Variants in SPAG16 observed in about 807,000 individuals in gnomAD.
SPAG16 encodes the protein sperm-associated antigen 16 protein.
SPAG16 carries 86 observed loss-of-function variants against 80.4 expected under a neutral mutation model. The observed-to-expected ratio is 1.07, with a 90% CI of 0.90 to 1.28. SPAG16 has a LOEUF of 1.28. Among genes scored for constraint, SPAG16 ranks in the 50% most tolerant of loss-of-function variants. The pLI is 0.00. For missense variants in SPAG16, 870 were observed against 765.3 expected, an observed-to-expected ratio of 1.14 and a Z score of -1.61; for synonymous variants, 294 against 265.9, an observed-to-expected ratio of 1.11 and a Z score of -1.03.
intron 15 of SPAG16, among the ~76,000 whole-genome samples, chr2:214,372,399 T>C (rs1699880090): frequency 6.6e-6 from 1 of 152,212 alleles, no homozygotes; most frequent in Non-Finnish European, 1.5e-5. Context: ...GATCAGACTT[T>C]CTTTCCTAAA....
chr2:213,622,991 T>G (rs2061839438), intron 10 of SPAG16, among the ~76,000 whole-genome samples: 1 of 152,206 alleles, frequency 6.6e-6, no homozygotes, highest in Admixed American at 6.5e-5. Context: ...CTTCCATTTG[T>G]TCTTCACAAA....
At chr2:214,175,267 GTA>G (rs1198058002) in intron 15 of SPAG16, among the ~76,000 whole-genome samples, 1 of 141,464 alleles carries the variant, frequency 7.1e-6, no homozygotes, top group Admixed American at 7.2e-5. Flanking sequence ...ATAAAGAAAT[GTA>G]TATATATAAA....
At chr2:213,443,845 G>A (rs904857283) in intron 9 of SPAG16, among the ~76,000 whole-genome samples, 1 of 152,102 alleles carries the variant, frequency 6.6e-6, no homozygotes, top group Admixed American at 6.6e-5. Context: ...TTGCAGACCT[G>A]GATTTACCAC....
chr2:214,117,325 A>G (rs1360740773), intron 14 of SPAG16, among the ~76,000 whole-genome samples: 1 of 152,152 alleles, frequency 6.6e-6, no homozygotes, highest in African/African-American at 2.4e-5. Flanking sequence ...GAAAAAGAGA[A>G]AAGAATAAAA....
At position 213,460,174 on chromosome 2, in the gene SPAG16, A is replaced by AT. The variant is rs1312885807; in HGVS notation, c.943-29781dup. 6.6e-5 allele frequency among the ~76,000 whole-genome samples: 10 copies of AT among 151,706 alleles called. 1 individual carries two copies. The highest frequency in any genetic ancestry group is 6.3e-4 in the South Asian group (3 of 4,794). On this transcript the variant is annotated intron_variant, in intron 9 of 15. Transcript: ENST00000331683. Reference sequence around the variant, plus strand: ...TTTATTTATTTTCACTTGCATTTACATTTTTTTTCTTCCATACTCTGTCTG... The same window carrying AT: ...TTTATTTATTTTCACTTGCATTTACATTTTTTTTTCTTCCATACTCTGTCTG...
At chr2:213,380,487 G>A (rs1048402005) in intron 9 of SPAG16, among the ~76,000 whole-genome samples, 3 of 152,094 alleles carry the variant, frequency 2.0e-5, no homozygotes, top group South Asian at 2.1e-4. Flanking sequence ...TTGTGCCTTC[G>A]GGACCTGCTT....
intron 15 of SPAG16, among the ~76,000 whole-genome samples, chr2:214,325,011 A>C (rs542073822): frequency 2.6e-5 from 4 of 152,290 alleles, no homozygotes; most frequent in Admixed American, 2.6e-4. Flanking sequence ...ATAGTAGAAA[A>C]CCCATAATAT....
At chr2:213,836,306 T>C (rs1194011670) in intron 10 of SPAG16, among the ~76,000 whole-genome samples, 1 of 152,074 alleles carries the variant, frequency 6.6e-6, no homozygotes, top group Non-Finnish European at 1.5e-5. Context: ...AAAGGAAAAG[T>C]AAATTTTACA....
chr2:213,720,997 C>A (rs929947614), intron 10 of SPAG16, among the ~76,000 whole-genome samples: 4 of 152,206 alleles, frequency 2.6e-5, no homozygotes. Flanking sequence ...CGTGATCCGC[C>A]CACCTCAGCC....
intron 10 of SPAG16, among the ~76,000 whole-genome samples, chr2:213,845,920 A>G (rs1329435399): frequency 2.0e-5 from 3 of 152,182 alleles, no homozygotes; most frequent in African/African-American, 7.2e-5. Context: ...GGACAGGTAG[A>G]TATCTTCTCA....
chr2:214,204,115 G>T (rs1240754139), intron 15 of SPAG16, among the ~76,000 whole-genome samples: 1 of 152,238 alleles, frequency 6.6e-6, no homozygotes, highest in Middle Eastern at 3.4e-3. Flanking sequence ...ATCCCTCTGG[G>T]AACATGACTG....
intron 10 of SPAG16, among the ~76,000 whole-genome samples, chr2:213,556,067 A>T (rs2059414181): frequency 6.6e-6 from 1 of 152,018 alleles, no homozygotes; most frequent in South Asian, 2.1e-4. Flanking sequence ...AAAATGCAAA[A>T]CCTATAGTAG....
In SPAG16 at chr2:214,136,908, A is replaced by G. The variant is rs940949003; in HGVS notation, c.1594-12232A>G. On this transcript the variant is annotated intron_variant, in intron 14 of 15. Coordinates refer to ENST00000331683, the MANE Select transcript of SPAG16 (RefSeq NM_024532.5). Reference sequence around the variant, plus strand: ...TAGTTATACCTTAATACCAAGTTGCAGGTCATTACCTTCACATATTGAAGG... The same window carrying G: ...TAGTTATACCTTAATACCAAGTTGCGGGTCATTACCTTCACATATTGAAGG... Among the ~76,000 whole-genome samples the G allele has an allele frequency of 3.3e-5, 5 of 152,298 alleles. No homozygotes were observed. The South Asian group carries it at 8.3e-4, about 25-fold the overall frequency.
intron 8 of SPAG16, among the ~76,000 whole-genome samples, chr2:213,366,141 C>CA (rs759352187): frequency 0.033 from 2,740 of 82,022 alleles, 50 homozygotes; most frequent in South Asian, 0.059. Flanking sequence ...GACTCCGTCT[C>CA]AAAAAAAAAA....
At chr2:213,527,048 C>T (rs930499412) in intron 10 of SPAG16, among the ~76,000 whole-genome samples, 2 of 152,228 alleles carry the variant, frequency 1.3e-5, no homozygotes, top group Admixed American at 1.3e-4. Flanking sequence ...CTGATTCTCA[C>T]CCTTCCTCTC....
intron 10 of SPAG16, among the ~76,000 whole-genome samples, chr2:213,589,132 G>A (rs529150637): frequency 6.6e-6 from 1 of 152,246 alleles, no homozygotes; most frequent in South Asian, 2.1e-4. Context: ...GAACAAAGAA[G>A]AAATAATAAT....
intron 15 of SPAG16, among the ~76,000 whole-genome samples, chr2:214,294,170 C>T (rs531478244): frequency 3.9e-5 from 6 of 152,288 alleles, no homozygotes; most frequent in Admixed American, 1.3e-4. Flanking sequence ...GGTGCCTCTG[C>T]GCAATCTGTA....
At chr2:213,344,011 T>C (rs2064830747) in intron 6 of SPAG16, among the ~76,000 whole-genome samples, 1 of 152,150 alleles carries the variant, frequency 6.6e-6, no homozygotes, top group Admixed American at 6.6e-5. Flanking sequence ...CTGGAGTTGA[T>C]CACTGGGTGC....
intron 9 of SPAG16, among the ~76,000 whole-genome samples, chr2:213,481,922 G>C (rs1236976666): frequency 6.6e-6 from 1 of 152,198 alleles, no homozygotes; most frequent in East Asian, 1.9e-4. Flanking sequence ...AATGAAGGAA[G>C]CATCAGAACA....
Sources: allele counts gnomAD v4.1 joint callset (sites outside exome capture counted in the v4.1 genomes callset), GRCh38; gene constraint gnomAD v4.1.1; transcripts MANE v1.5; gene names NCBI Gene and HGNC (gene_info 2026-07-23, HGNC 2026-07-21).